Variants in PRKG1 observed in about 807,000 individuals in gnomAD.
PRKG1 encodes the protein protein kinase cGMP-dependent 1, also known as cGMP-dependent protein kinase 1.
PRKG1 carries 35 observed loss-of-function variants against 88.1 expected under a neutral mutation model. That is an observed-to-expected ratio of 0.40 (90% CI 0.30 to 0.53). The LOEUF (loss-of-function observed/expected upper bound fraction) is 0.53, where lower values mean the gene tolerates loss of function less well. Among genes scored for constraint, PRKG1 ranks in the 20% least tolerant of loss-of-function variants. The probability of loss-of-function intolerance (pLI) is 0.59; values close to 1 mark genes in which losing one functional copy is unlikely to be tolerated. For synonymous variants in PRKG1, 303 were observed against 292.5 expected (o/e 1.04, Z -0.37); for missense variants, 540 against 839.8 (o/e 0.64, Z 4.41).
At chr10:51,439,134 G>A (rs541690299) in intron 2 of PRKG1, among the ~76,000 whole-genome samples, 15 of 151,736 alleles carry the variant, frequency 9.9e-5, no homozygotes, top group African/African-American at 3.4e-4. Flanking sequence ...CCCCCCTTAC[G>A]AACATGTCAT....
chr10:51,312,607 G>A (rs1020859785), intron 2 of PRKG1, among the ~76,000 whole-genome samples: 2 of 152,138 alleles, frequency 1.3e-5, no homozygotes, highest in Non-Finnish European at 2.9e-5. Flanking sequence ...TTCTGCACAT[G>A]TCTGAAGGAC....
chr10:51,410,686 A>G (rs559846480), intron 2 of PRKG1, among the ~76,000 whole-genome samples: 18 of 152,308 alleles, frequency 1.2e-4, no homozygotes, highest in Admixed American at 7.8e-4. Context: ...CATTGCAGAT[A>G]GTAAAACAAG....
chr10:51,518,744 A>G (rs1841660570), intron 3 of PRKG1, among the ~76,000 whole-genome samples: 1 of 152,220 alleles, frequency 6.6e-6, no homozygotes, highest in African/African-American at 2.4e-5. Flanking sequence ...TTTAGCTGTC[A>G]GTATCGCTTA....
chr10:51,308,052 A>T (rs1050704127), intron 2 of PRKG1, among the ~76,000 whole-genome samples: 8 of 152,200 alleles, frequency 5.3e-5, no homozygotes, highest in Admixed American at 5.2e-4. Context: ...TGAAACAATT[A>T]ACAACTGGGA....
At chr10:51,021,026 G>A (rs1037746179) in intron 1 of PRKG1, among the ~76,000 whole-genome samples, 3 of 152,060 alleles carry the variant, frequency 2.0e-5, no homozygotes, top group Non-Finnish European at 2.9e-5. Context: ...CTATGTAGGG[G>A]TGTGTGTCTG....
At chr10:51,844,595 A>C (rs1195795692) in intron 4 of PRKG1, among the ~76,000 whole-genome samples, 3 of 152,182 alleles carry the variant, frequency 2.0e-5, no homozygotes, top group African/African-American at 7.2e-5. Context: ...GTTTGTATAA[A>C]AAATGATTTG....
chr10:51,419,202 G>A (rs1421561326), intron 2 of PRKG1, among the ~76,000 whole-genome samples: 1 of 152,132 alleles, frequency 6.6e-6, no homozygotes, highest in Non-Finnish European at 1.5e-5. Flanking sequence ...AGTTATATGA[G>A]AAATAATTTA....
chr10:51,014,330 T>C (rs1843029956), intron 1 of PRKG1, among the ~76,000 whole-genome samples: 1 of 151,936 alleles, frequency 6.6e-6, no homozygotes, highest in Non-Finnish European at 1.5e-5. Flanking sequence ...TTTTTTTTTT[T>C]TTTTGAGGTG....
chr10:51,425,917 C>T (rs992739145), intron 2 of PRKG1, among the ~76,000 whole-genome samples: 2 of 152,156 alleles, frequency 1.3e-5, no homozygotes, highest in African/African-American at 4.8e-5. Flanking sequence ...TTTTCTTTAA[C>T]CTTCAAGATA....
intron 3 of PRKG1, among the ~76,000 whole-genome samples, chr10:51,583,935 A>G (rs1187369337): frequency 6.6e-6 from 1 of 152,074 alleles, no homozygotes; most frequent in South Asian, 2.1e-4. Context: ...TGTTGAGCTA[A>G]GGCTTTGCAA....
rs562940695 is a variant in PRKG1, at chr10:51,901,316, G to T, written c.699-6191G>T. 2.0e-5 allele frequency among the ~76,000 whole-genome samples: 3 copies of T among 152,226 alleles called. No homozygotes were observed. In the South Asian group the frequency reaches 6.2e-4, roughly 32 times the overall value. On this transcript the variant is annotated intron_variant, in intron 4 of 17. Coordinates refer to ENST00000373980, the MANE Select transcript of PRKG1 (RefSeq NM_006258.4). ...CTAGAAGAATGATTAGTTTGTTCTG[G>T]TTCTAGAAGCAAATCCAGCCATGTC...
chr10:51,296,374 T>G (rs1230354322), intron 2 of PRKG1, among the ~76,000 whole-genome samples: 1 of 152,140 alleles, frequency 6.6e-6, no homozygotes. Context: ...GCAGTTTGTC[T>G]ACACTATCCT....
At chr10:51,919,014 C>T (rs1413374995) in intron 5 of PRKG1, among the ~76,000 whole-genome samples, 1 of 152,082 alleles carries the variant, frequency 6.6e-6, no homozygotes, top group Non-Finnish European at 1.5e-5. Flanking sequence ...CAGTTTTAGC[C>T]ACAGAATACA....
At chr10:51,085,843 G>A (rs535372210) in intron 1 of PRKG1, among the ~76,000 whole-genome samples, 5 of 152,194 alleles carry the variant, frequency 3.3e-5, no homozygotes, top group Non-Finnish European at 7.4e-5. Flanking sequence ...AGTGTTTCTT[G>A]TTATAGATCT....
In PRKG1 at chr10:51,564,614, T is replaced by C. The variant is rs537323818; in HGVS notation, c.592+96778T>C. Reference sequence around the variant, plus strand: ...TGCAGAGCATATTTCATTAAATCAATAGTAGGCTTCAAGATATTAAGTGTT... The same window carrying C: ...TGCAGAGCATATTTCATTAAATCAACAGTAGGCTTCAAGATATTAAGTGTT... On this transcript the variant is annotated intron_variant, in intron 3 of 17. Transcript: ENST00000373980. 6.0e-4 allele frequency among the ~76,000 whole-genome samples: 92 copies of C among 152,232 alleles called. No individual in the cohort carries two copies. The South Asian group carries it at 7.9e-3, about 13-fold the overall frequency.
chr10:51,504,813 A>G (rs1022105639), intron 3 of PRKG1, among the ~76,000 whole-genome samples: 6 of 152,112 alleles, frequency 3.9e-5, no homozygotes, highest in African/African-American at 1.4e-4. Flanking sequence ...ATTTTTGCAC[A>G]TTGATTTTGT....
chr10:51,530,099 C>G (rs1841981452), intron 3 of PRKG1, among the ~76,000 whole-genome samples: 1 of 152,042 alleles, frequency 6.6e-6, no homozygotes, highest in Admixed American at 6.5e-5. Context: ...TTCATGCATC[C>G]TTAGAATCAT....
intron 3 of PRKG1, among the ~76,000 whole-genome samples, chr10:51,487,956 T>A (rs1323144268): frequency 6.6e-6 from 1 of 152,102 alleles, no homozygotes; most frequent in East Asian, 1.9e-4. Flanking sequence ...AAATAGACAA[T>A]CAGCTTTTAA....
At chr10:52,072,026 G>A (rs1364981741) in intron 7 of PRKG1, among the ~76,000 whole-genome samples, 1 of 151,906 alleles carries the variant, frequency 6.6e-6, no homozygotes, top group African/African-American at 2.4e-5. Context: ...AGTCCCAGTC[G>A]CCCTCTCCCG....
Sources: gnomAD v4.1 joint callset for allele counts (sites outside exome capture counted in the v4.1 genomes callset) on GRCh38, gnomAD v4.1.1 for gene constraint, MANE v1.5 for transcripts, NCBI Gene and HGNC (gene_info 2026-07-23, HGNC 2026-07-21) for gene names.